The following LARGE1 variants were observed in gnomAD, a reference collection of about 807,000 sequenced individuals.
LARGE1 encodes the protein LARGE xylosyl- and glucuronyltransferase 1.
In LARGE1, 43 loss-of-function variants were observed where a neutral mutation model predicts 87.6. That is an observed-to-expected ratio of 0.49 (90% CI 0.38 to 0.63). LARGE1 has a LOEUF of 0.63. Among genes scored for constraint, LARGE1 ranks in the 30% least tolerant of loss-of-function variants. The probability of loss-of-function intolerance (pLI) is 0.00; values close to 1 mark genes in which losing one functional copy is unlikely to be tolerated. For synonymous variants in LARGE1, 434 were observed against 394.6 expected (o/e 1.10, Z -1.18); for missense variants, 802 against 1,000.2 (o/e 0.80, Z 2.67).
At chr22:33,615,671 CA>C (rs3072281) in intron 4 of LARGE1, among the ~76,000 whole-genome samples, 40,412 of 134,506 alleles carry the variant, frequency 0.3, 6,042 homozygotes, top group African/African-American at 0.47. Context: ...TAAGGAAAAA[CA>C]AAAAAAAAAA....
At chr22:33,161,212 C>T (rs1922012282), downstream of LARGE1, among the ~76,000 whole-genome samples, 1 of 152,136 alleles carries the variant, frequency 6.6e-6, no homozygotes, top group African/African-American at 2.4e-5. Flanking sequence ...GGGTAACTGC[C>T]TCCATGATTC....
At chr22:33,558,306 C>G (rs1281653389) in intron 6 of LARGE1, among the ~76,000 whole-genome samples, 1 of 152,012 alleles carries the variant, frequency 6.6e-6, no homozygotes, top group Non-Finnish European at 1.5e-5. Context: ...GGACACTGAG[C>G]TTCATTTGGA....
At chr22:33,405,249 T>C (rs2066056974) in intron 7 of LARGE1, among the ~76,000 whole-genome samples, 1 of 152,204 alleles carries the variant, frequency 6.6e-6, no homozygotes, top group African/African-American at 2.4e-5. Context: ...AAATTCTGTG[T>C]CATTGTATCA....
upstream of LARGE1, chr22:33,922,273 G>T (rs994529955): frequency 1.3e-4 from 2 of 15,438 alleles, no homozygotes; most frequent in Non-Finnish European, 2.6e-4. Context: ...GGTCGGGCTG[G>T]GGGGGTGGGG....
intron 6 of LARGE1, among the ~76,000 whole-genome samples, chr22:33,509,682 C>G (rs1387289994): frequency 6.6e-6 from 1 of 152,010 alleles, no homozygotes; most frequent in African/African-American, 2.4e-5. Context: ...AAACTCCTGG[C>G]CTCAAGTGAT....
chr22:33,877,426 G>A (rs1394780958), intron 1 of LARGE1, among the ~76,000 whole-genome samples: 1 of 152,108 alleles, frequency 6.6e-6, no homozygotes, highest in Admixed American at 6.5e-5. Flanking sequence ...GCACAGCAGG[G>A]CTCTGAGGAC....
intron 6 of LARGE1, among the ~76,000 whole-genome samples, chr22:33,478,396 G>T (rs1162349071): frequency 9.2e-5 from 14 of 152,174 alleles, no homozygotes; most frequent in Admixed American, 9.2e-4. Flanking sequence ...CTTTTGCCTA[G>T]AACACCTATT....
At chr22:33,803,968 A>T (rs1327900652) in intron 1 of LARGE1, among the ~76,000 whole-genome samples, 1 of 152,240 alleles carries the variant, frequency 6.6e-6, no homozygotes, top group Non-Finnish European at 1.5e-5. Context: ...TGCCAGCCAA[A>T]GCCAACCTCG....
At chr22:33,851,635 C>A (rs1040085209) in intron 1 of LARGE1, among the ~76,000 whole-genome samples, 1 of 152,218 alleles carries the variant, frequency 6.6e-6, no homozygotes, top group Non-Finnish European at 1.5e-5. Context: ...TGGTTCACTG[C>A]AGCAAGGTGG....
intron 9 of LARGE1, among the ~76,000 whole-genome samples, chr22:33,346,564 A>T (rs1379965298): frequency 2.0e-5 from 3 of 152,056 alleles, no homozygotes; most frequent in Non-Finnish European, 2.9e-5. Context: ...CGGCCTCCTA[A>T]AGTGCTGGGA....
rs117168668 is a variant in LARGE1, at chr22:33,392,864, G to A, written c.893-8560C>T. On this transcript the variant is annotated intron_variant, in intron 7 of 14. Coordinates refer to ENST00000397394, the MANE Select transcript of LARGE1 (RefSeq NM_133642.5). ...TATTCAAATAATCTTCAAAATTCCCGTGAGTGTGAAATGTACTGGACAACT... is the reference window on the plus strand; with the variant it reads ...TATTCAAATAATCTTCAAAATTCCCATGAGTGTGAAATGTACTGGACAACT... Among the ~76,000 whole-genome samples, 54 of 152,162 alleles carry A rather than the reference G, an allele frequency of 3.5e-4. No individual in the cohort carries two copies. The East Asian group carries it at 0.01, about 28-fold the overall frequency.
intron 9 of LARGE1, among the ~76,000 whole-genome samples, chr22:33,364,721 G>GT (rs755239647): frequency 6.6e-6 from 1 of 152,246 alleles, no homozygotes; most frequent in East Asian, 1.9e-4. Flanking sequence ...GCATATGTCA[G>GT]TTTTTTGTTT....
At chr22:33,822,811 C>G (rs5999113) in intron 1 of LARGE1, among the ~76,000 whole-genome samples, 3 of 151,998 alleles carry the variant, frequency 2.0e-5, no homozygotes, top group Admixed American at 2.0e-4. Flanking sequence ...TCCAGTCACA[C>G]GTAGGAATGA....
At chr22:33,075,617 T>C in the LARGE1 span, among the ~76,000 whole-genome samples, 1 of 152,212 alleles carries the variant, frequency 6.6e-6, no homozygotes, top group South Asian at 2.1e-4. Flanking sequence ...ACCTGAATAA[T>C]TGTTGAAAGG....
At chr22:33,910,059 C>T (rs1259234353) in intron 1 of LARGE1, among the ~76,000 whole-genome samples, 1 of 152,190 alleles carries the variant, frequency 6.6e-6, no homozygotes, top group African/African-American at 2.4e-5. Context: ...CCGTGTTCAG[C>T]CACCACAGTG....
the LARGE1 span, among the ~76,000 whole-genome samples, chr22:33,111,943 G>C: frequency 6.6e-6 from 1 of 152,132 alleles, no homozygotes; most frequent in Non-Finnish European, 1.5e-5. Flanking sequence ...GGAAGGCCTG[G>C]GGACAAATAA....
chr22:33,470,902 C>T (rs554288774), intron 6 of LARGE1, among the ~76,000 whole-genome samples: 38 of 152,146 alleles, frequency 2.5e-4, no homozygotes, highest in Non-Finnish European at 4.4e-4. Flanking sequence ...CTCCCTGAGC[C>T]TCAGGTTAGA....
Position 33,310,781 on chromosome 22 carries a change from C to A in LARGE1, c.1451+5304G>T, listed in dbSNP as rs1277254347. On this transcript the variant is annotated intron_variant, in intron 11 of 14. Transcript: ENST00000397394. Reference sequence around the variant, plus strand: ...GCCGCTTTATAATTTTTAATTGTGGCCCGTTAAGTGCCTCTCATTAGGGCT... The same window carrying A: ...GCCGCTTTATAATTTTTAATTGTGGACCGTTAAGTGCCTCTCATTAGGGCT... 3.9e-5 allele frequency among the ~76,000 whole-genome samples: 6 copies of A among 152,182 alleles called. No homozygotes were observed. In the East Asian group the frequency reaches 1.2e-3, roughly 29 times the overall value.
intron 1 of LARGE1, among the ~76,000 whole-genome samples, chr22:33,844,134 AC>A (rs2063361959): frequency 6.6e-6 from 1 of 151,948 alleles, no homozygotes; most frequent in Non-Finnish European, 1.5e-5. Flanking sequence ...AAGACTTGCA[AC>A]CCTAGATTCT....
Sources: allele counts gnomAD v4.1 joint callset (sites outside exome capture counted in the v4.1 genomes callset), GRCh38; gene constraint gnomAD v4.1.1; transcripts MANE v1.5; gene names NCBI Gene and HGNC (gene_info 2026-07-23, HGNC 2026-07-21).